The following TMEM33 variants were observed in gnomAD, a reference collection of about 807,000 sequenced individuals.
TMEM33 encodes transmembrane protein 33.
TMEM33 carries 16 observed loss-of-function variants against 29.7 expected under a neutral mutation model. The ratio of observed to expected loss-of-function variants is 0.54; its 90% confidence interval spans 0.36 to 0.82. The LOEUF (loss-of-function observed/expected upper bound fraction) is 0.82. Ranked by LOEUF, TMEM33 falls within the 40% of genes least tolerant of loss-of-function variation. The probability of loss-of-function intolerance (pLI) is 0.00; values close to 1 mark genes in which losing one functional copy is unlikely to be tolerated. For missense variants in TMEM33, 252 were observed against 295.3 expected (o/e 0.85, Z 1.08); for synonymous variants, 112 against 109.4 (o/e 1.02, Z -0.15).
chr4:41,950,543 T>C (rs1712995982), intron 6 of TMEM33, among the ~76,000 whole-genome samples: 1 of 152,196 alleles, frequency 6.6e-6, no homozygotes, highest in South Asian at 2.1e-4. Context: ...TAGTTCATTT[T>C]CATTATTCTA....
chr4:41,950,612 A>G (rs990179212), intron 6 of TMEM33, among the ~76,000 whole-genome samples: 2 of 152,116 alleles, frequency 1.3e-5, no homozygotes, highest in Non-Finnish European at 2.9e-5. Flanking sequence ...CTTTTTTATA[A>G]TACTTTCTAA....
At chr4:41,947,183 C>T (rs540731514) in intron 5 of TMEM33, among the ~76,000 whole-genome samples, 5 of 151,664 alleles carry the variant, frequency 3.3e-5, no homozygotes, top group African/African-American at 1.2e-4. Flanking sequence ...TTGCAGTGAG[C>T]CGAGATCGTG....
At position 41,943,758 on chromosome 4, in the gene TMEM33, C is replaced by G. The variant is rs551179337; in HGVS notation, c.340C>G (p.Pro114Ala). The G allele has an allele frequency of 6.2e-7, 1 of 1,613,392 alleles. No homozygotes were observed. Among genetic ancestry groups the G allele is most frequent in the Admixed American group, 1.7e-5 (1 of 59,976 alleles). ...ATTGTTTTCTTTAGTGAGTATCTTC[C>G]CAGTCTTGTTATTCTCTTTGCTTCA... ...NSYPVTMSIF[P>A]VLLFSLLHAA... Residue 114 changes from proline (P) to alanine (A), a missense_variant, in exon 4 of 7, where the codon CCA (proline) becomes GCA (alanine). Physicochemically the swap from Pro to Ala is conservative, Grantham distance 27. Transcript: ENST00000504986.
At chr4:41,942,973 A>G (rs921260716) in intron 3 of TMEM33, among the ~76,000 whole-genome samples, 2 of 152,184 alleles carry the variant, frequency 1.3e-5, no homozygotes, top group African/African-American at 2.4e-5. Context: ...AGTCTTTGGG[A>G]CTAAAAATTT....
intron 6 of TMEM33, 73 bp downstream of exon 6, chr4:41,949,458 A>G (rs1225967043): frequency 4.9e-6 from 6 of 1,221,290 alleles, no homozygotes; most frequent in Non-Finnish European, 6.9e-6. Flanking sequence ...CGCAATTCTT[A>G]AGAGTTACTT....
chr4:41,952,167 C>T (rs896151265), intron 6 of TMEM33, among the ~76,000 whole-genome samples: 5 of 152,246 alleles, frequency 3.3e-5, no homozygotes, highest in African/African-American at 1.2e-4. Flanking sequence ...ATTAAAGACC[C>T]ACAGGTTTCT....
Position 41,939,499 on chromosome 4 carries a change from C to G in TMEM33, c.328+116C>G, listed in dbSNP as rs1577647637. ...AAGCCTGGGTTTGTTCTCGGCACTT[C>G]ATTTGAATGAAGATATGTTTAGTGT... On this transcript the variant is annotated intron_variant, in intron 3 of 6. Transcript: ENST00000504986. The G allele has an allele frequency of 7.6e-6, 8 of 1,054,428 alleles. No individual in the cohort carries two copies. The East Asian group carries it at 2.0e-4, about 26-fold the overall frequency. 65.3% of individuals were successfully genotyped at this position (1,054,428 alleles called of 1,614,324 possible).
chr4:41,960,012 A>C lies in TMEM33; in HGVS notation c.*5813A>C, dbSNP rs1713410898. ...TACTATCCAGACTATATAAATTTAT[A>C]AAATAAATTGAAAAATTCATTCCCC... On this transcript the variant is annotated 3_prime_UTR_variant, in exon 7 of 7. Transcript: ENST00000504986. The C allele has an allele frequency of 6.6e-6, 1 of 152,206 alleles. No individual in the cohort carries two copies. The allele number at this position is 152,206 out of a possible 1,614,324, so 9.4% of individuals were successfully genotyped here.
At chr4:41,942,418 T>G (rs1004133079) in intron 3 of TMEM33, among the ~76,000 whole-genome samples, 6 of 152,218 alleles carry the variant, frequency 3.9e-5, no homozygotes, top group Non-Finnish European at 7.3e-5. Context: ...GTTGGTGTCT[T>G]GCTTGTCAAT....
At position 41,937,266 on chromosome 4, in the gene TMEM33, CATA is replaced by C. The variant is rs1265767297; in HGVS notation, c.46-1332_46-1330del. On this transcript the variant is annotated intron_variant, in intron 1 of 6. Transcript: ENST00000504986. ...TAACTTTCAAGCTGTGGTGCCCAGTCATAATATTTGTTGAGAAACTGAGCACAG... is the reference window on the plus strand; with the variant it reads ...TAACTTTCAAGCTGTGGTGCCCAGTCATATTTGTTGAGAAACTGAGCACAG... Among the ~76,000 whole-genome samples, 13 of 152,294 alleles carry C rather than the reference CATA, an allele frequency of 8.5e-5. No homozygotes were observed. The East Asian group carries it at 2.5e-3, about 29-fold the overall frequency.
chr4:41,940,225 C>A (rs1381871618), intron 3 of TMEM33, among the ~76,000 whole-genome samples: 1 of 151,832 alleles, frequency 6.6e-6, no homozygotes, highest in East Asian at 1.9e-4. Flanking sequence ...TGTTGTGAAA[C>A]TAAGAGAGTT....
intron 5 of TMEM33, among the ~76,000 whole-genome samples, chr4:41,947,044 T>C (rs1177477109): frequency 1.3e-5 from 2 of 152,236 alleles, no homozygotes; most frequent in Non-Finnish European, 2.9e-5. Flanking sequence ...GAGACCATCC[T>C]GGCCAATGTG....
chr4:41,944,764 T>C (rs1277714978), intron 4 of TMEM33, 29 bp from the exon 5 acceptor site: 1 of 1,609,368 alleles, frequency 6.2e-7, no homozygotes, highest in Non-Finnish European at 8.5e-7. Context: ...GCTTCACTTA[T>C]TTCTAATGTT....
At chr4:41,939,052 T>C in intron 2 of TMEM33, 144 bp from the exon 3 acceptor site, 1 of 723,204 alleles carries the variant, frequency 1.4e-6, no homozygotes, top group South Asian at 2.5e-5. Context: ...AGTGAAGCTA[T>C]TAAAACGGTA....
In TMEM33 at chr4:41,939,381, C is replaced by A; in HGVS notation, c.326C>A (p.Thr109Lys). Residue 109 changes from threonine to lysine, a missense_variant and splice_region_variant, in exon 3 of 7, where the codon ACA (threonine) becomes AAA (lysine). Transcript: ENST00000504986. ...ATCTTTGTAAATTCCTATCCAGTTA[C>A]AAGTATCCTTTTCTACCTTGTTAAC... ...SLIFVNSYPV[T>K]MSIFPVLLFS... is the part of the protein sequence containing the mutation. 1 of 1,612,170 alleles carries A rather than the reference C, an allele frequency of 6.2e-7. No individual in the cohort carries two copies. Among genetic ancestry groups the A allele is most frequent in the Non-Finnish European group, 8.5e-7 (1 of 1,179,576 alleles).
chr4:41,935,991 A>G (rs1488813349), intron 1 of TMEM33, among the ~76,000 whole-genome samples: 1 of 152,162 alleles, frequency 6.6e-6, no homozygotes, highest in Non-Finnish European at 1.5e-5. Flanking sequence ...TTTCTTCTTC[A>G]CTTTGTTCTT....
Position 41,938,640 on chromosome 4 carries a change from G to T in TMEM33, c.84G>T (p.Trp28Cys). The T allele has an allele frequency of 1.9e-6, 3 of 1,614,018 alleles. No individual in the cohort carries two copies. The highest frequency in any genetic ancestry group is 2.5e-6 in the Non-Finnish European group (3 of 1,180,006). Residue 28 changes from tryptophan (W) to cysteine (C), a missense_variant, in exon 2 of 7, where the codon TGG becomes TGT. Physicochemically the swap from Trp to Cys is radical, Grantham distance 215. Transcript: ENST00000504986. ...CCAATAAACTGGACACGGCAATGTG[G>T]CTTTCTCGCTTGTTCACAGTTTACT... The part of the protein sequence containing the change: ...MMTNKLDTAM[W>C]LSRLFTVYCS...
intron 4 of TMEM33, 106 bp downstream of exon 4, chr4:41,943,920 A>T: frequency 2.1e-6 from 2 of 947,730 alleles, no homozygotes; most frequent in Non-Finnish European, 3.3e-6. Flanking sequence ...TCTATACCTT[A>T]CAAACTTGTT....
rs1467713790 is a variant in TMEM33, at chr4:41,957,778, AT to A, written c.*3583del. 1.3e-5 allele frequency: 2 copies of A among 152,120 alleles called. No individual in the cohort carries two copies. The highest frequency in any genetic ancestry group is 1.3e-4 in the Admixed American group (2 of 15,276). The allele number at this position is 152,120 out of a possible 1,614,324, so 9.4% of individuals were successfully genotyped here. A position where few individuals can be genotyped will look rare whatever the true frequency, so the allele number is the denominator to read the frequency against. ...CAAAGCTGTCACACAAATTAGACTAATTTTGACACTTTGAAATGAAAACTTC... is the reference window on the plus strand; with the variant it reads ...CAAAGCTGTCACACAAATTAGACTAATTTGACACTTTGAAATGAAAACTTC... On this transcript the variant is annotated 3_prime_UTR_variant, in exon 7 of 7. Transcript: ENST00000504986.
Sources: allele counts gnomAD v4.1 joint callset (sites outside exome capture counted in the v4.1 genomes callset), GRCh38; gene constraint gnomAD v4.1.1; transcripts MANE v1.5; gene names NCBI Gene and HGNC (gene_info 2026-07-23, HGNC 2026-07-21).